Variants in DCN observed in about 807,000 individuals in gnomAD.
DCN encodes bone proteoglycan II.
A neutral mutation model predicts 36.5 loss-of-function variants in DCN; 17 were observed. The observed-to-expected ratio is 0.47, with a 90% CI of 0.32 to 0.70. The LOEUF (loss-of-function observed/expected upper bound fraction) is 0.70, where lower values mean the gene tolerates loss of function less well. Among genes scored for constraint, DCN ranks in the 30% least tolerant of loss-of-function variants. DCN has a pLI of 0.04. For synonymous variants in DCN, 163 were observed against 161.4 expected (o/e 1.01, Z -0.07); for missense variants, 389 against 430.1 (o/e 0.90, Z 0.84).
At chr12:91,164,524 A>G in intron 3 of DCN, 81 bp downstream of exon 3, 1 of 758,808 alleles carries the variant, frequency 1.3e-6, no homozygotes, top group Non-Finnish European at 2.4e-6. Flanking sequence ...GGTACATAGT[A>G]CTCTTGGCCT....
chr12:91,180,992 G>A (rs1200645984), intron 1 of DCN: 3 of 152,152 alleles, frequency 2.0e-5, no homozygotes, highest in Admixed American at 1.3e-4. Context: ...TTAGCTGAGA[G>A]AAATAGTATT....
At position 91,158,324 on chromosome 12, in the gene DCN, G is replaced by A. The variant is rs375558672; in HGVS notation, c.510C>T (p.Phe170=). 8.1e-6 allele frequency: 13 copies of A among 1,611,770 alleles called. No individual in the cohort carries two copies. The highest frequency in any genetic ancestry group is 9.3e-6 in the Non-Finnish European group (11 of 1,177,940). The part of the protein sequence containing the change: ...NEITKVRKVT[F]NGLNQMIVIE... Reference sequence around the variant, plus strand: ...TGACAATCATCTGGTTCAGTCCATTGAAAGTAACTTTTCGCACTTTGGTGA... The same window carrying A: ...TGACAATCATCTGGTTCAGTCCATTAAAAGTAACTTTTCGCACTTTGGTGA... Residue 170 remains phenylalanine, a synonymous_variant, in exon 4 of 8, where the codon TTC becomes TTT. Coordinates refer to ENST00000052754, the MANE Select transcript of DCN (RefSeq NM_001920.5).
intron 3 of DCN, among the ~76,000 whole-genome samples, chr12:91,164,366 TA>T (rs368050582): frequency 0.041 from 3,000 of 73,614 alleles, 137 homozygotes; most frequent in African/African-American, 0.11. Context: ...TAGAGTATAA[TA>T]AAAAAAAAAT....
chr12:91,179,607 A>T (rs1883489648), intron 1 of DCN: 1 of 152,204 alleles, frequency 6.6e-6, no homozygotes, highest in African/African-American at 2.4e-5. Context: ...GGCCTTGCAC[A>T]ATATTTTGCA....
chr12:91,179,044 T>G (rs1306851745), intron 1 of DCN, among the ~76,000 whole-genome samples: 1 of 152,196 alleles, frequency 6.6e-6, no homozygotes, highest in Non-Finnish European at 1.5e-5. Flanking sequence ...CAGGCCCTTC[T>G]CATCTCTCCC....
At position 91,157,139 on chromosome 12, in the gene DCN, G is replaced by A. The variant is rs1881834759; in HGVS notation, c.588C>T (p.Phe196=). The change falls in exon 5 of 8, where the codon TTC becomes TTT. Residue 196 remains phenylalanine (F), a synonymous_variant. Coordinates refer to ENST00000052754, the MANE Select transcript of DCN (RefSeq NM_001920.5). ...LKSSGIENGA[F]QGMKKLSYIR... The stretch of plus-strand genomic sequence containing the variant: ...TGTAGGAGAGCTTCTTCATTCCCTG[G>A]AAAGCCCCATTTTCAATTCCTGAGC... The A allele has an allele frequency of 6.2e-7, 1 of 1,613,832 alleles. No individual in the cohort carries two copies. The highest frequency in any genetic ancestry group is 1.3e-5 in the African/African-American group (1 of 74,896).
rs71097880 is a variant in DCN, at chr12:91,169,378, C to CT, written c.212-4662_212-4661insA. 6.6e-3 allele frequency among the ~76,000 whole-genome samples: 485 copies of CT among 73,398 alleles called. 35 individuals are homozygous for CT. The highest frequency in any genetic ancestry group is 0.023 in the African/African-American group (424 of 18,088). The allele number at this position is 73,398 out of a possible 152,430, so 48.2% of individuals were successfully genotyped here. A position where few individuals can be genotyped will look rare whatever the true frequency, so the allele number is the denominator to read the frequency against. ...CCTAGGCAACAGGGGGAGATCCTGT[C>CT]AAAAAAAAAAAAAAAAAAAAAAACC... On this transcript the variant is annotated intron_variant, in intron 2 of 7. Coordinates refer to ENST00000052754, the MANE Select transcript of DCN (RefSeq NM_001920.5).
chr12:91,158,165 G>A, intron 4 of DCN, 131 bp downstream of exon 4: 1 of 667,734 alleles, frequency 1.5e-6, no homozygotes, highest in South Asian at 1.8e-5. Context: ...TCTTGGCCCT[G>A]TTCTTATAAA....
rs1370412525 is a variant in DCN, at chr12:91,140,612, T to A, written c.*5446A>T. ...ATTGCTTAGTTTGGACAAAGTCAAG[T>A]CATTTCTGTGCTGATAAAGAAGGAT... On this transcript the variant is annotated 3_prime_UTR_variant, in exon 8 of 8. Transcript: ENST00000052754. The A allele has an allele frequency of 6.6e-6, 1 of 152,172 alleles. No individual in the cohort carries two copies. Among genetic ancestry groups the A allele is most frequent in the Non-Finnish European group, 1.5e-5 (1 of 68,018 alleles). The allele number at this position is 152,172 out of a possible 1,614,324, so 9.4% of individuals were successfully genotyped here. A position where few individuals can be genotyped will look rare whatever the true frequency, so the allele number is the denominator to read the frequency against.
At chr12:91,146,351 C>CTTTTTTTTTTTTT (rs376886852) in intron 7 of DCN, 99 bp from the exon 8 acceptor site, 7 of 318,298 alleles carry the variant, frequency 2.2e-5, no homozygotes, top group African/African-American at 1.4e-4. Flanking sequence ...TAATCCTTCA[C>CTTTTTTTTTTTTT]TTTTTTTTTT....
chr12:91,165,814 C>T (rs960718599), intron 2 of DCN, among the ~76,000 whole-genome samples: 6 of 152,094 alleles, frequency 3.9e-5, no homozygotes, highest in Non-Finnish European at 5.9e-5. Flanking sequence ...ATAAATTCAA[C>T]AAGCCTTTAT....
Position 91,145,948 on chromosome 12 carries a change from TA to T in DCN, c.*109del. On this transcript the variant is annotated 3_prime_UTR_variant, in exon 8 of 8. Transcript: ENST00000052754. ...CTTTATGCATAATAAGTCATGTGGG[TA>T]AAACATCCACATTGCAGTTAGGTTT... 2.1e-6 allele frequency: 2 copies of T among 965,392 alleles called. No individual in the cohort carries two copies. Among genetic ancestry groups the T allele is most frequent in the Non-Finnish European group, 3.3e-6 (2 of 609,326 alleles). 59.8% of individuals were successfully genotyped at this position (965,392 alleles called of 1,614,324 possible). A position where few individuals can be genotyped will look rare whatever the true frequency, so the allele number is the denominator to read the frequency against.
intron 3 of DCN, among the ~76,000 whole-genome samples, chr12:91,159,790 T>G (rs2121219023): frequency 6.6e-6 from 1 of 152,212 alleles, no homozygotes; most frequent in East Asian, 1.9e-4. Flanking sequence ...CAAAACCACA[T>G]GGTTTTATTA....
intron 1 of DCN, 37 bp from the exon 2 acceptor site, chr12:91,178,622 T>C: frequency 7.8e-7 from 1 of 1,279,182 alleles, no homozygotes; most frequent in South Asian, 1.2e-5. Flanking sequence ...AGAGTAGCAC[T>C]GCCTAATCTG....
intron 2 of DCN, among the ~76,000 whole-genome samples, chr12:91,167,018 C>T (rs1296885604): frequency 5.9e-5 from 9 of 152,136 alleles, no homozygotes. Flanking sequence ...ATGGTAATCT[C>T]ATACTTTCAA....
chr12:91,169,378 CAAAAAAAAAAAA>C (rs58056993), intron 2 of DCN, among the ~76,000 whole-genome samples: 1 of 73,384 alleles, frequency 1.4e-5, no homozygotes, highest in Admixed American at 2.1e-4. Flanking sequence ...GAGATCCTGT[CAAAAAAAAAAAA>C]AAAAAAAAAA....
At chr12:91,152,673 A>G (rs1402821749) in intron 6 of DCN, among the ~76,000 whole-genome samples, 1 of 152,174 alleles carries the variant, frequency 6.6e-6, no homozygotes, top group Non-Finnish European at 1.5e-5. Flanking sequence ...AATTATTAAA[A>G]TAGTAATTTG....
At chr12:91,152,509 G>C (rs1328081764) in intron 6 of DCN, among the ~76,000 whole-genome samples, 1 of 151,868 alleles carries the variant, frequency 6.6e-6, no homozygotes, top group East Asian at 1.9e-4. Flanking sequence ...TTGAAACCAG[G>C]ACAAGTACTA....
chr12:91,161,111 A>C (rs1882128449), intron 3 of DCN, among the ~76,000 whole-genome samples: 1 of 152,228 alleles, frequency 6.6e-6, no homozygotes, highest in African/African-American at 2.4e-5. Context: ...GCTGCTTAAC[A>C]TCCTCTGAAT....
Sources: allele counts gnomAD v4.1 joint callset (sites outside exome capture counted in the v4.1 genomes callset), GRCh38; gene constraint gnomAD v4.1.1; transcripts MANE v1.5; gene names NCBI Gene and HGNC (gene_info 2026-07-23, HGNC 2026-07-21).